Variants in CHD1L observed in about 807,000 individuals in gnomAD.
CHD1L encodes ATP-dependent chromatin remodeler CHD1L.
A neutral mutation model predicts 115.9 loss-of-function variants in CHD1L; 118 were observed. That is an observed-to-expected ratio of 1.02 (90% CI 0.88 to 1.19). The LOEUF is 1.19. CHD1L is among the 50% of genes most tolerant of loss of function. CHD1L has a pLI of 0.00. For missense variants in CHD1L, 1,179 were observed against 1,065.3 expected, an observed-to-expected ratio of 1.11 and a Z score of -1.49; for synonymous variants, 411 against 387.1, an observed-to-expected ratio of 1.06 and a Z score of -0.72.
chr1:147,225,870 A>G, the CHD1L span: 1 of 152,188 alleles, frequency 6.6e-6, no homozygotes, highest in Non-Finnish European at 1.5e-5. Context: ...GCTCCCCGAA[A>G]AAGAAATTTT....
At chr1:147,193,740 A>C in the CHD1L span, among the ~76,000 whole-genome samples, 1 of 151,996 alleles carries the variant, frequency 6.6e-6, no homozygotes. Context: ...GAACATCTTT[A>C]TTTCTGCTTT....
At chr1:147,212,385 A>G in the CHD1L span, 4 of 1,613,898 alleles carry the variant, frequency 2.5e-6, no homozygotes, top group Admixed American at 3.3e-5. Context: ...TAATTGAGTG[A>G]TTCAAACCTG....
At chr1:147,267,952 C>G (rs1393820729) in intron 9 of CHD1L, among the ~76,000 whole-genome samples, 1 of 152,146 alleles carries the variant, frequency 6.6e-6, no homozygotes, top group Non-Finnish European at 1.5e-5. Context: ...TCAGCCTTTC[C>G]TCACCGCTAC....
the CHD1L span, among the ~76,000 whole-genome samples, chr1:147,228,980 G>A: frequency 6.6e-6 from 1 of 152,132 alleles, no homozygotes; most frequent in Admixed American, 6.5e-5. Flanking sequence ...TCTGATGGTA[G>A]TTTCTTTTGC....
At chr1:147,255,551 T>A (rs1468031911) in intron 3 of CHD1L, among the ~76,000 whole-genome samples, 1 of 151,822 alleles carries the variant, frequency 6.6e-6, no homozygotes, top group Non-Finnish European at 1.5e-5. Flanking sequence ...ACGTAGGAAG[T>A]AACTCATGTG....
the CHD1L span, chr1:147,203,770 T>C: frequency 6.5e-7 from 1 of 1,536,430 alleles, no homozygotes; most frequent in Non-Finnish European, 9.0e-7. Flanking sequence ...CTGCCCTTTC[T>C]ATGTCATCCA....
the CHD1L span, among the ~76,000 whole-genome samples, chr1:147,237,285 G>A: frequency 6.6e-6 from 1 of 152,184 alleles, no homozygotes; most frequent in African/African-American, 2.4e-5. Flanking sequence ...GCCCCCAAGA[G>A]TGCAGAGATG....
chr1:147,242,767 A>T lies in CHD1L; in HGVS notation c.64A>T (p.Thr22Ser). ...CCCTGGCTTCTTACTGCGGCTTCAT[A>T]CTGAGGGCCGAGCCGAGGCGGCGCG... is the stretch of plus-strand genomic sequence containing the variant. ...QAPGFLLRLHTEGRAEAARVQ... is the reference protein window; with the variant it reads ...QAPGFLLRLHSEGRAEAARVQ... Residue 22 changes from threonine to serine, a missense_variant, in exon 1 of 23, where the codon ACT becomes TCT. Physicochemically the swap from Thr to Ser is moderately conservative, Grantham distance 58 (BLOSUM62 1). Coordinates refer to ENST00000369258, the MANE Select transcript of CHD1L (RefSeq NM_004284.6). 7.9e-7 allele frequency: 1 copy of T among 1,269,224 alleles called. No homozygotes were observed. The allele number at this position is 1,269,224 out of a possible 1,614,324, so 78.6% of individuals were successfully genotyped here. A position where few individuals can be genotyped will look rare whatever the true frequency, so the allele number is the denominator to read the frequency against.
At chr1:147,295,379 G>A in intron 22 of CHD1L, 52 bp from the exon 23 acceptor site, 3 of 1,243,028 alleles carry the variant, frequency 2.4e-6, no homozygotes, top group Non-Finnish European at 3.5e-6. Context: ...AGTCGTTTTG[G>A]TAAAGTTGGT....
intron 14 of CHD1L, among the ~76,000 whole-genome samples, chr1:147,279,586 G>A (rs2102812253): frequency 6.6e-6 from 1 of 152,298 alleles, no homozygotes; most frequent in South Asian, 2.1e-4. Context: ...GTTCATGATA[G>A]AGGTAAAGTT....
At chr1:147,214,905 A>G in the CHD1L span, 1 of 152,174 alleles carries the variant, frequency 6.6e-6, no homozygotes, top group South Asian at 2.1e-4. Flanking sequence ...AAATAAATGA[A>G]GAGAAGCACC....
At chr1:147,213,677 T>C in the CHD1L span, among the ~76,000 whole-genome samples, 2 of 152,206 alleles carry the variant, frequency 1.3e-5, no homozygotes, top group Admixed American at 6.5e-5. Context: ...AACATAGTGT[T>C]GGCAGGCTAA....
the CHD1L span, among the ~76,000 whole-genome samples, chr1:147,191,910 G>A: frequency 2.0e-5 from 3 of 152,068 alleles, no homozygotes; most frequent in Non-Finnish European, 2.9e-5. Flanking sequence ...TTTGGTTACT[G>A]TAGCCTTGTA....
chr1:147,251,773 T>C (rs941163110), intron 1 of CHD1L, among the ~76,000 whole-genome samples: 1 of 152,044 alleles, frequency 6.6e-6, no homozygotes, highest in South Asian at 2.1e-4. Context: ...TCAGGTGATC[T>C]GCCTGCCTCA....
chr1:147,204,419 G>A, the CHD1L span: 1 of 1,169,108 alleles, frequency 8.6e-7, no homozygotes, highest in South Asian at 1.2e-5. Flanking sequence ...TTACCATATT[G>A]TTTACACATT....
At chr1:147,212,693 A>G in the CHD1L span, among the ~76,000 whole-genome samples, 6 of 151,746 alleles carry the variant, frequency 4.0e-5, no homozygotes, top group Non-Finnish European at 7.4e-5. Flanking sequence ...ATTTTTGCCT[A>G]TTTTCTTTTC....
chr1:147,292,731 G>C (rs1251657593), intron 20 of CHD1L, among the ~76,000 whole-genome samples: 3 of 152,126 alleles, frequency 2.0e-5, no homozygotes, highest in African/African-American at 7.2e-5. Context: ...AGAGAGAGTG[G>C]GGGAAGGTGC....
the CHD1L span, among the ~76,000 whole-genome samples, chr1:147,188,582 C>T: frequency 6.8e-6 from 1 of 147,792 alleles, no homozygotes; most frequent in African/African-American, 2.5e-5. Flanking sequence ...AAAAGAGGTT[C>T]ACTAGCTCCT....
the CHD1L span, chr1:147,179,293 A>T: frequency 6.2e-7 from 1 of 1,608,584 alleles, no homozygotes; most frequent in African/African-American, 1.3e-5. Context: ...GAATAATGAA[A>T]ATAAAGATGT....
Sources: gnomAD v4.1 joint callset for allele counts (sites outside exome capture counted in the v4.1 genomes callset) on GRCh38, gnomAD v4.1.1 for gene constraint, MANE v1.5 for transcripts, NCBI Gene and HGNC (gene_info 2026-07-23, HGNC 2026-07-21) for gene names.